The following TBXAS1 variants were observed in gnomAD, a reference collection of about 807,000 sequenced individuals.
The protein encoded by TBXAS1 is thromboxane-A synthase.
In TBXAS1, 48 loss-of-function variants were observed where a neutral mutation model predicts 60.7. That is an observed-to-expected ratio of 0.79 (90% CI 0.63 to 1.01). The LOEUF (loss-of-function observed/expected upper bound fraction) is 1.01. Ranked by LOEUF, TBXAS1 falls within the 50% of genes least tolerant of loss-of-function variation. The pLI is 0.00. For synonymous variants in TBXAS1, 287 were observed against 269.7 expected, an observed-to-expected ratio of 1.06 and a Z score of -0.63; for missense variants, 685 against 686.3, an observed-to-expected ratio of 1.00 and a Z score of 0.02.
chr7:139,951,358 T>C (rs1177684351), intron 5 of TBXAS1, among the ~76,000 whole-genome samples: 2 of 151,796 alleles, frequency 1.3e-5, no homozygotes, highest in Non-Finnish European at 2.9e-5. Context: ...ACACCTGAAA[T>C]ACTGTATTCC....
intron 9 of TBXAS1, among the ~76,000 whole-genome samples, chr7:139,969,754 A>G (rs1301403936): frequency 6.6e-6 from 1 of 152,152 alleles, no homozygotes; most frequent in Non-Finnish European, 1.5e-5. Context: ...GGTGAGGAGT[A>G]AGTTCAGGAG....
Position 139,962,095 on chromosome 7 carries a change from GGGCCA to G in TBXAS1, c.1001_1005del (p.Gln334LeufsTer9). 1 of 1,614,150 alleles carries G rather than the reference GGGCCA, an allele frequency of 6.2e-7. No homozygotes were observed. The highest frequency in any genetic ancestry group is 8.5e-7 in the Non-Finnish European group (1 of 1,180,020). On this transcript the variant is annotated frameshift_variant, in exon 9 of 13. Transcript: ENST00000448866. LOFTEE classifies it high-confidence loss of function. ...GGCCTTTGACTGTGGATGAGATTGT[GGGCCA>G]GGCCTTCATCTTCCTCATCGCTGGC...
chr7:139,815,291 T>C (rs1160741691), intron 4 of TBXAS1, among the ~76,000 whole-genome samples: 1 of 152,150 alleles, frequency 6.6e-6, no homozygotes, highest in Non-Finnish European at 1.5e-5. Flanking sequence ...AAGCAGCCAG[T>C]GGGCAGAGGA....
At chr7:139,816,565 G>C (rs1404592343) in intron 4 of TBXAS1, among the ~76,000 whole-genome samples, 1 of 152,176 alleles carries the variant, frequency 6.6e-6, no homozygotes, top group African/African-American at 2.4e-5. Context: ...GAAGCACACT[G>C]TTCTCAAAGA....
rs939346148 is a variant in TBXAS1 at position 139,849,431 on chromosome 7, A to G, written c.89+19952A>G. Among the ~76,000 whole-genome samples, 7 of 152,180 alleles carry G rather than the reference A, an allele frequency of 4.6e-5. No individual in the cohort carries two copies. The South Asian group carries it at 1.2e-3, about 27-fold the overall frequency. On this transcript the variant is annotated intron_variant, in intron 1 of 12. Coordinates refer to ENST00000448866, the MANE Select transcript of TBXAS1 (RefSeq NM_001061.7). ...AAAAACAACCCACCAAAAAACAGAAACAACAGATAGTGATGCAGAATTTTC... is the reference window on the plus strand; with the variant it reads ...AAAAACAACCCACCAAAAAACAGAAGCAACAGATAGTGATGCAGAATTTTC...
intron 11 of TBXAS1, among the ~76,000 whole-genome samples, chr7:140,016,135 T>G (rs182734922): frequency 2.6e-5 from 4 of 152,028 alleles, no homozygotes; most frequent in Non-Finnish European, 4.4e-5. Flanking sequence ...GAGACCATCC[T>G]GGCTAACACG....
rs1159561992 is a variant in TBXAS1 at position 140,018,177 on chromosome 7, C to G, written c.1527+344C>G. Among the ~76,000 whole-genome samples the G allele has an allele frequency of 3.3e-5, 5 of 152,178 alleles. No individual in the cohort carries two copies. In the South Asian group the frequency reaches 6.2e-4, roughly 19 times the overall value. Reference sequence around the variant, plus strand: ...CTTGCTGTAGCTCTTCCCACTTCCACAAAGGGCACACAGACAATGGCATTT... The same window carrying G: ...CTTGCTGTAGCTCTTCCCACTTCCAGAAAGGGCACACAGACAATGGCATTT... On this transcript the variant is annotated intron_variant, in intron 12 of 12. Transcript: ENST00000448866.
chr7:139,913,143 T>C (rs1394554302), intron 4 of TBXAS1: 1 of 702,896 alleles, frequency 1.4e-6, no homozygotes, highest in Non-Finnish European at 2.6e-6. Flanking sequence ...GCTGGCCTGC[T>C]ACCTCCATCC....
rs747801749 is a variant in TBXAS1, at chr7:139,785,482, TTGTTG to T, written c.-168-1854_-168-1850del. Among the ~76,000 whole-genome samples, 681 of 149,838 alleles carry T rather than the reference TTGTTG, an allele frequency of 4.5e-3. 2 individuals carry two copies. The highest frequency in any genetic ancestry group is 0.013 in the African/African-American group (498 of 39,340). ...ACCCATTGTTTCGTTGTTGTTGTTG[TTGTTG>T]TTTTTTGTGTGATAGCTTTTCACAT... On this transcript the variant is annotated intron_variant, in intron 3 of 16. Coordinates refer to the TBXAS1 transcript ENST00000336425.
At chr7:139,826,612 C>G (rs377449473), upstream of TBXAS1, among the ~76,000 whole-genome samples, 12 of 152,258 alleles carry the variant, frequency 7.9e-5, no homozygotes, top group East Asian at 2.3e-3. Context: ...CGAGGAAGAG[C>G]ATGGGCTTTA....
At chr7:139,993,768 C>G (rs1042719047) in intron 9 of TBXAS1, among the ~76,000 whole-genome samples, 1 of 152,204 alleles carries the variant, frequency 6.6e-6, no homozygotes, top group Non-Finnish European at 1.5e-5. Context: ...GCCTCTGCCC[C>G]CTCCTTTGCT....
At position 139,897,636 on chromosome 7, in the gene TBXAS1, T is replaced by C. The variant is rs370571719; in HGVS notation, c.237-13589T>C. Among the ~76,000 whole-genome samples, 25 of 152,202 alleles carry C rather than the reference T, an allele frequency of 1.6e-4. No homozygotes were observed. The East Asian group carries it at 4.1e-3, about 25-fold the overall frequency. ...AAGAGGACCAGGGATTGTACCAGCC[T>C]GAAAAGGGCAAAAGAAAGTTGCTGA... On this transcript the variant is annotated intron_variant, in intron 3 of 12. Coordinates refer to ENST00000448866, the MANE Select transcript of TBXAS1 (RefSeq NM_001061.7).
intron 1 of TBXAS1, among the ~76,000 whole-genome samples, chr7:139,850,079 G>A (rs1800105129): frequency 6.6e-6 from 1 of 152,134 alleles, no homozygotes; most frequent in African/African-American, 2.4e-5. Flanking sequence ...CAGAAGAAAG[G>A]GTGTATCCAT....
intron 4 of TBXAS1, among the ~76,000 whole-genome samples, chr7:139,921,771 T>A (rs934836220): frequency 1.3e-5 from 2 of 152,242 alleles, no homozygotes; most frequent in Non-Finnish European, 2.9e-5. Flanking sequence ...CCTCTGTCAA[T>A]AAACATATAG....
At chr7:139,900,717 G>T (rs1804499168) in intron 3 of TBXAS1, among the ~76,000 whole-genome samples, 1 of 152,148 alleles carries the variant, frequency 6.6e-6, no homozygotes, top group Non-Finnish European at 1.5e-5. Flanking sequence ...ATCTCTGCTG[G>T]TCTCTATTAG....
chr7:139,944,584 T>C (rs991668742), intron 5 of TBXAS1, among the ~76,000 whole-genome samples: 1 of 152,198 alleles, frequency 6.6e-6, no homozygotes, highest in African/African-American at 2.4e-5. Flanking sequence ...CAAATCTTTC[T>C]GGTGCAGATG....
intron 3 of TBXAS1, among the ~76,000 whole-genome samples, chr7:139,888,503 G>GT (rs972649779): frequency 2.5e-4 from 38 of 151,848 alleles, no homozygotes; most frequent in African/African-American, 8.2e-4. Flanking sequence ...TTTCCTCTGG[G>GT]TTTTTTTCCC....
chr7:139,875,623 T>G lies in TBXAS1; in HGVS notation c.222T>G (p.Tyr74Ter). ...WESQMELRKL[Y>*]GPLCGYYLGR... ...GCCAAATGGAGCTCAGAAAGCTGTA[T>G]GGACCTCTGTGTGGGTAAGAAGGAA... The change falls in exon 3 of 13, where the codon TAT becomes TAG. Residue 74 changes from tyrosine to a stop codon, truncating the protein, a stop_gained. Coordinates refer to ENST00000448866, the MANE Select transcript of TBXAS1 (RefSeq NM_001061.7). LOFTEE classifies it high-confidence loss of function. The G allele has an allele frequency of 6.2e-7, 1 of 1,613,784 alleles. No individual in the cohort carries two copies. Among genetic ancestry groups the G allele is most frequent in the Non-Finnish European group, 8.5e-7 (1 of 1,180,042 alleles).
intron 2 of TBXAS1, among the ~76,000 whole-genome samples, chr7:139,781,382 C>G (rs1796981487): frequency 6.6e-6 from 1 of 152,118 alleles, no homozygotes; most frequent in African/African-American, 2.4e-5. Context: ...GTGACAGAAC[C>G]TGGGGAGTAC....
Sources: gnomAD v4.1 joint callset for allele counts (sites outside exome capture counted in the v4.1 genomes callset) on GRCh38, gnomAD v4.1.1 for gene constraint, MANE v1.5 for transcripts, NCBI Gene and HGNC (gene_info 2026-07-23, HGNC 2026-07-21) for gene names.